CATSPERD: variants seen among roughly 807,000 people sequenced by gnomAD.
CATSPERD encodes cation channel sperm-associated auxiliary subunit delta.
A neutral mutation model predicts 98.1 loss-of-function variants in CATSPERD; 86 were observed. The observed-to-expected ratio is 0.88, with a 90% CI of 0.74 to 1.05. CATSPERD has a LOEUF of 1.05. Among genes scored for constraint, CATSPERD ranks in the 50% least tolerant of loss-of-function variants. The probability of loss-of-function intolerance (pLI) is 0.00; values close to 1 mark genes in which losing one functional copy is unlikely to be tolerated. For synonymous variants in CATSPERD, 394 were observed against 390.2 expected (o/e 1.01, Z -0.12); for missense variants, 995 against 1,005.7 (o/e 0.99, Z 0.14).
chr19:5,748,359 G>T, intron 10 of CATSPERD, 104 bp downstream of exon 10: 1 of 1,049,654 alleles, frequency 9.5e-7, no homozygotes, highest in Non-Finnish European at 1.5e-6. Flanking sequence ...AGCTGGGCGC[G>T]GTGGCTCATG....
chr19:5,733,301 TTTTC>T (rs1337313731), intron 4 of CATSPERD, among the ~76,000 whole-genome samples: 2 of 150,900 alleles, frequency 1.3e-5, no homozygotes, highest in East Asian at 3.9e-4. Flanking sequence ...GTCTCTTTCT[TTTTC>T]TTTTTCTTTC....
chr19:5,728,696 T>C (rs1441576056), intron 3 of CATSPERD, among the ~76,000 whole-genome samples: 1 of 137,614 alleles, frequency 7.3e-6, no homozygotes, highest in East Asian at 2.0e-4. Context: ...CATCTCTCTC[T>C]CTCTCTCTCT....
intron 20 of CATSPERD, among the ~76,000 whole-genome samples, chr19:5,775,648 C>CAAAAAAAAAAAA (rs1156270373): frequency 1.6e-5 from 1 of 61,494 alleles, no homozygotes; most frequent in African/African-American, 5.4e-5. Context: ...AACCCCATCT[C>CAAAAAAAAAAAA]AAAAAAAAAA....
chr19:5,727,539 T>C (rs2055628737), intron 3 of CATSPERD, among the ~76,000 whole-genome samples, 195 bp downstream of exon 3: 1 of 152,142 alleles, frequency 6.6e-6, no homozygotes, highest in African/African-American at 2.4e-5. Context: ...CTAAAACAAC[T>C]GCAGTATAGT....
chr19:5,727,398 T>TTAA, intron 3 of CATSPERD, 54 bp downstream of exon 3: 3 of 1,307,972 alleles, frequency 2.3e-6, no homozygotes, highest in Non-Finnish European at 3.3e-6. Flanking sequence ...ATCTTTAGAT[T>TTAA]TGCCCCATTC....
At chr19:5,770,127 G>T (rs1411810310) in intron 18 of CATSPERD, among the ~76,000 whole-genome samples, 2 of 145,906 alleles carry the variant, frequency 1.4e-5, no homozygotes, top group Non-Finnish European at 3.0e-5. Context: ...TTTTGCCATT[G>T]AAAGTAATGG....
At chr19:5,765,160 C>G (rs1417925092) in intron 16 of CATSPERD, among the ~76,000 whole-genome samples, 6 of 152,110 alleles carry the variant, frequency 3.9e-5, no homozygotes, top group African/African-American at 1.2e-4. Context: ...CCTACTGGCT[C>G]AGCCTCTCAA....
chr19:5,720,975 G>C (rs934456059), intron 1 of CATSPERD, among the ~76,000 whole-genome samples, 167 bp downstream of exon 1: 5 of 150,470 alleles, frequency 3.3e-5, no homozygotes, highest in African/African-American at 1.2e-4. Flanking sequence ...CATCCTCCCA[G>C]CCCGATATTA....
chr19:5,766,000 GT>G (rs2056531109), intron 16 of CATSPERD, 102 bp from the exon 17 acceptor site: 1 of 819,434 alleles, frequency 1.2e-6, no homozygotes, highest in African/African-American at 1.7e-5. Context: ...AGGCCACATG[GT>G]TTCCAAACCA....
Position 5,720,653 on chromosome 19 carries a change from AG to A in CATSPERD, c.-82del. 7.4e-7 allele frequency: 1 copy of A among 1,347,932 alleles called. No individual in the cohort carries two copies. Among genetic ancestry groups the A allele is most frequent in the Non-Finnish European group, 1.0e-6 (1 of 968,726 alleles). The allele number at this position is 1,347,932 out of a possible 1,614,324, so 83.5% of individuals were successfully genotyped here. On this transcript the variant is annotated 5_prime_UTR_variant, in exon 1 of 22. An upstream open reading frame in the 5' UTR loses its in-frame stop. Transcript: ENST00000381624. ...CCGGGACTCATTGATGCGCATGCGC[AG>A]GGCTTCAGCCTGCACGTACTCGGAT... is the stretch of plus-strand genomic sequence containing the variant.
chr19:5,725,348 G>A (rs904816021), intron 2 of CATSPERD, among the ~76,000 whole-genome samples: 2 of 151,990 alleles, frequency 1.3e-5, no homozygotes, highest in African/African-American at 4.8e-5. Flanking sequence ...ATGAGGTTTT[G>A]CCATGTTGCC....
chr19:5,733,335 C>CTTTCTTT (rs1307265155), intron 4 of CATSPERD, among the ~76,000 whole-genome samples: 3 of 122,970 alleles, frequency 2.4e-5, no homozygotes, highest in African/African-American at 9.8e-5. Context: ...TTCTTTCTTT[C>CTTTCTTT]CTTTCTTTCT....
chr19:5,734,130 T>C (rs1010147215), intron 5 of CATSPERD, among the ~76,000 whole-genome samples, 160 bp downstream of exon 5: 2 of 152,132 alleles, frequency 1.3e-5, no homozygotes, highest in Non-Finnish European at 2.9e-5. Context: ...TGAGTCCCCA[T>C]CCGTAGACTG....
chr19:5,773,636 C>T (rs1387709694), intron 20 of CATSPERD, among the ~76,000 whole-genome samples: 8 of 151,738 alleles, frequency 5.3e-5, no homozygotes, highest in Non-Finnish European at 1.2e-4. Context: ...CCCACTTCAG[C>T]CTCCCAATTA....
chr19:5,764,935 G>A (rs1399595958), intron 16 of CATSPERD, among the ~76,000 whole-genome samples: 2 of 151,900 alleles, frequency 1.3e-5, no homozygotes, highest in African/African-American at 4.8e-5. Flanking sequence ...TGTAGGTACA[G>A]GGTCTCACTC....
intron 15 of CATSPERD, among the ~76,000 whole-genome samples, chr19:5,762,945 G>A (rs1013771702): frequency 8.3e-5 from 12 of 144,560 alleles, no homozygotes; most frequent in Non-Finnish European, 1.7e-4. Context: ...GGATGAATAA[G>A]TGGATAGATG....
chr19:5,721,943 C>T (rs946924514), intron 1 of CATSPERD, among the ~76,000 whole-genome samples: 20 of 148,060 alleles, frequency 1.4e-4, no homozygotes, highest in Non-Finnish European at 3.0e-4. Context: ...GAGCTGAGAT[C>T]GCACTCCAGC....
At position 5,754,145 on chromosome 19, in the gene CATSPERD, CAGG is replaced by C. The variant is rs754640694; in HGVS notation, c.1181_1183del (p.Gly394del). On this transcript the variant is annotated inframe_deletion, in exon 13 of 22. Coordinates refer to ENST00000381624, the MANE Select transcript of CATSPERD (RefSeq NM_152784.4). ...CTTTTTAACTAGATAGAGTTTCTGA[CAGG>C]AGAATTTATATACAGGATGTATACC... 8.8e-5 allele frequency: 142 copies of C among 1,609,268 alleles called. No individual in the cohort carries two copies. The highest frequency in any genetic ancestry group is 2.1e-5 in the Non-Finnish European group (25 of 1,175,788).
intron 5 of CATSPERD, 132 bp downstream of exon 5, chr19:5,734,102 C>A (rs1351024169): frequency 5.0e-6 from 3 of 600,470 alleles, no homozygotes; most frequent in East Asian, 3.0e-5. Flanking sequence ...TCCTTTCCAA[C>A]CAAAATGAAA....
Sources: gnomAD v4.1 joint callset for allele counts (sites outside exome capture counted in the v4.1 genomes callset) on GRCh38, gnomAD v4.1.1 for gene constraint, MANE v1.5 for transcripts, NCBI Gene and HGNC (gene_info 2026-07-23, HGNC 2026-07-21) for gene names.